Variants in STRN observed in about 807,000 individuals in gnomAD.
STRN encodes the protein striatin.
In STRN, 53 loss-of-function variants were observed where a neutral mutation model predicts 96.3. The ratio of observed to expected loss-of-function variants is 0.55; its 90% CI spans 0.44 to 0.69. STRN has a LOEUF of 0.69. Ranked by LOEUF, STRN falls within the 30% of genes least tolerant of loss-of-function variation. The pLI is 0.00. For synonymous variants in STRN, 428 were observed against 355.9 expected (o/e 1.20, Z -2.28); for missense variants, 987 against 963.9 (o/e 1.02, Z -0.32).
chr2:36,847,662 C>G lies in STRN; in HGVS notation c.*1794G>C, dbSNP rs1668112746. The G allele has an allele frequency of 2.0e-5, 3 of 152,044 alleles. No homozygotes were observed. The highest frequency in any genetic ancestry group is 2.0e-4 in the Admixed American group (3 of 15,252). 9.4% of individuals were successfully genotyped at this position (152,044 alleles called of 1,614,324 possible). The stretch of plus-strand genomic sequence containing the variant: ...ACAGCATATCTGTATGAAAATCAGG[C>G]AAATTTAGCACAAGTCTCTAGCTTT... On this transcript the variant is annotated 3_prime_UTR_variant, in exon 18 of 18. Coordinates refer to ENST00000263918, the MANE Select transcript of STRN (RefSeq NM_003162.4).
intron 2 of STRN, among the ~76,000 whole-genome samples, chr2:36,922,170 C>G (rs1670276769): frequency 6.6e-6 from 1 of 152,012 alleles, no homozygotes; most frequent in Admixed American, 6.6e-5. Flanking sequence ...ATTGGTGAAT[C>G]TGGGTAAAGG....
At chr2:36,858,199 C>A (rs1007419961) in intron 13 of STRN, among the ~76,000 whole-genome samples, 176 bp from the exon 14 acceptor site, 3 of 152,004 alleles carry the variant, frequency 2.0e-5, no homozygotes, top group Admixed American at 2.0e-4. Context: ...TGGAAATATA[C>A]AAATATAAAG....
intron 2 of STRN, among the ~76,000 whole-genome samples, chr2:36,922,223 G>C (rs1670277946): frequency 6.6e-6 from 1 of 152,100 alleles, no homozygotes; most frequent in Admixed American, 6.5e-5. Flanking sequence ...GGTCATTTTA[G>C]ATAAAATTTT....
rs751472901 is a variant in STRN, at chr2:36,867,834, G to C, written c.1527C>G (p.Ile509Met). 4.4e-6 allele frequency: 7 copies of C among 1,592,348 alleles called. No homozygotes were observed. Among genetic ancestry groups the C allele is most frequent in the Admixed American group, 1.8e-5 (1 of 56,448 alleles). The change falls in exon 12 of 18, where the codon ATC (isoleucine) becomes ATG (methionine). Residue 509 changes from isoleucine to methionine, a missense_variant. Ile to Met is a conservative substitution (Grantham distance 10, BLOSUM62 1). Coordinates refer to ENST00000263918, the MANE Select transcript of STRN (RefSeq NM_003162.4). ...KKSTSLDVEPIYTFRAHKGPV... is the reference protein window; with the variant it reads ...KKSTSLDVEPMYTFRAHKGPV... The stretch of plus-strand genomic sequence containing the variant: ...CTTACTTATGGGCTCTGAATGTATA[G>C]ATAGGTTCTACATCAAGAGAAGTGC...
intron 15 of STRN, 93 bp downstream of exon 15, chr2:36,855,118 TA>T: frequency 7.6e-7 from 1 of 1,313,724 alleles, no homozygotes. Flanking sequence ...GAAAGCTTTA[TA>T]ATGACAAATA....
intron 7 of STRN, among the ~76,000 whole-genome samples, chr2:36,891,481 C>T (rs1669396537): frequency 6.6e-6 from 1 of 151,978 alleles, no homozygotes; most frequent in South Asian, 2.1e-4. Context: ...GCCAAGATTG[C>T]ACCACTGCAC....
At chr2:36,949,987 C>A (rs924591728) in intron 1 of STRN, among the ~76,000 whole-genome samples, 21 of 151,914 alleles carry the variant, frequency 1.4e-4, no homozygotes, top group Admixed American at 2.6e-4. Flanking sequence ...GAAGCAAGAT[C>A]ACAAGAGACT....
intron 1 of STRN, among the ~76,000 whole-genome samples, chr2:36,947,546 C>G (rs1308312080): frequency 6.8e-6 from 1 of 148,124 alleles, no homozygotes; most frequent in Non-Finnish European, 1.5e-5. Flanking sequence ...AACTCGGGAA[C>G]ATATATATTA....
At chr2:36,934,135 C>A (rs1474391149) in intron 1 of STRN, among the ~76,000 whole-genome samples, 1 of 151,830 alleles carries the variant, frequency 6.6e-6, no homozygotes, top group East Asian at 1.9e-4. Flanking sequence ...AAAACTAAAT[C>A]TATTGATGTA....
chr2:36,874,829 A>C (rs1668860654), intron 10 of STRN, among the ~76,000 whole-genome samples: 2 of 152,038 alleles, frequency 1.3e-5, no homozygotes, highest in Non-Finnish European at 2.9e-5. Context: ...CACAGAGAGA[A>C]CTGGATACCA....
intron 1 of STRN, among the ~76,000 whole-genome samples, chr2:36,934,480 A>T (rs72873821): frequency 1.3e-5 from 2 of 152,188 alleles, no homozygotes; most frequent in Admixed American, 6.5e-5. Flanking sequence ...CTTGCAAATG[A>T]TAAGTCTTCT....
At chr2:36,937,141 C>T (rs1333668789) in intron 1 of STRN, among the ~76,000 whole-genome samples, 4 of 151,890 alleles carry the variant, frequency 2.6e-5, no homozygotes, top group African/African-American at 9.7e-5. Flanking sequence ...GTCGGGAGTT[C>T]GAGATAAGCC....
intron 15 of STRN, among the ~76,000 whole-genome samples, chr2:36,853,270 T>C (rs1333200804): frequency 6.6e-6 from 1 of 152,196 alleles, no homozygotes; most frequent in Non-Finnish European, 1.5e-5. Context: ...AAATTCAGAC[T>C]ACGCATTATT....
rs1668468506 is a variant in STRN, at chr2:36,861,142, A to G, written c.1659T>C (p.Tyr553=). The part of the protein sequence containing the change: ...WNTTNPNIDP[Y]DSYDPSVLRG... The stretch of plus-strand genomic sequence containing the variant: ...TGGGAAATCACCTACCATAAGAATC[A>G]TAGGGGTCGATGTTGGGATTAGTGG... The change falls in exon 13 of 18, where the codon TAT becomes TAC. Residue 553 remains tyrosine, a synonymous_variant. Coordinates refer to ENST00000263918, the MANE Select transcript of STRN (RefSeq NM_003162.4). 2 of 1,613,992 alleles carry G rather than the reference A, an allele frequency of 1.2e-6. No individual in the cohort carries two copies. The highest frequency in any genetic ancestry group is 1.7e-6 in the Non-Finnish European group (2 of 1,179,962).
In STRN at chr2:36,899,880, G is replaced by GCCTA. The variant is rs537759446; in HGVS notation, c.660-226_660-223dup. Among the ~76,000 whole-genome samples, 963 of 152,060 alleles carry GCCTA rather than the reference G, an allele frequency of 6.3e-3. 10 individuals are homozygous for GCCTA. Among genetic ancestry groups the GCCTA allele is most frequent in the African/African-American group, 0.021 (864 of 41,454 alleles). Reference sequence around the variant, plus strand: ...TGTAATCCTATCTATCTACTTGCCTGCCTACCTACCTACCTATCTACCTGG... The same window carrying GCCTA: ...TGTAATCCTATCTATCTACTTGCCTGCCTACCTACCTACCTACCTATCTACCTGG... On this transcript the variant is annotated intron_variant, in intron 5 of 17. Transcript: ENST00000263918.
At chr2:36,902,799 C>G (rs1047463456) in intron 4 of STRN, 48 bp from the exon 5 acceptor site, 2 of 1,435,656 alleles carry the variant, frequency 1.4e-6, no homozygotes, top group Non-Finnish European at 9.4e-7. Context: ...AATCAGTATT[C>G]TATAATTTAA....
rs1429936200 is a variant in STRN at position 36,848,577 on chromosome 2, A to G, written c.*879T>C. 1.3e-5 allele frequency: 2 copies of G among 152,196 alleles called. No individual in the cohort carries two copies. Among genetic ancestry groups the G allele is most frequent in the African/African-American group, 4.8e-5 (2 of 41,444 alleles). The allele number at this position is 152,196 out of a possible 1,614,324, so 9.4% of individuals were successfully genotyped here. ...AAGATTTCATTGGTATGAAATAATC[A>G]CTCTGGTACTATAAATGTCACATGA... is the stretch of plus-strand genomic sequence containing the variant. On this transcript the variant is annotated 3_prime_UTR_variant, in exon 18 of 18. Transcript: ENST00000263918.
intron 1 of STRN, among the ~76,000 whole-genome samples, chr2:36,963,160 G>C (rs1239381019): frequency 6.6e-6 from 1 of 152,114 alleles, no homozygotes; most frequent in African/African-American, 2.4e-5. Context: ...TTGCTATAAC[G>C]TGGCCCTTTC....
In STRN at chr2:36,846,538, T is replaced by G. The variant is rs1028854216; in HGVS notation, c.*2918A>C. Reference sequence around the variant, plus strand: ...CTTCATCATTATCTCCAAAAGAAATTTATAGCAAGAATACTGAAGGAATGA... The same window carrying G: ...CTTCATCATTATCTCCAAAAGAAATGTATAGCAAGAATACTGAAGGAATGA... On this transcript the variant is annotated 3_prime_UTR_variant, in exon 18 of 18. Transcript: ENST00000263918. 9 of 148,558 alleles carry G rather than the reference T, an allele frequency of 6.1e-5. No individual in the cohort carries two copies. Among genetic ancestry groups the G allele is most frequent in the Non-Finnish European group, 1.2e-4 (8 of 67,422 alleles). 9.2% of individuals were successfully genotyped at this position (148,558 alleles called of 1,614,324 possible).
Sources: gnomAD v4.1 joint callset for allele counts (sites outside exome capture counted in the v4.1 genomes callset) on GRCh38, gnomAD v4.1.1 for gene constraint, MANE v1.5 for transcripts, NCBI Gene and HGNC (gene_info 2026-07-23, HGNC 2026-07-21) for gene names.